NELL1: variants seen among roughly 807,000 people sequenced by gnomAD.
The protein encoded by NELL1 is neural EGFL like 1, also known as protein kinase C-binding protein NELL1.
In NELL1, 76 loss-of-function variants were observed where a neutral mutation model predicts 107.4. The ratio of observed to expected loss-of-function variants is 0.71; its 90% CI spans 0.59 to 0.86. NELL1 has a LOEUF of 0.86. Among genes scored for constraint, NELL1 ranks in the 40% least tolerant of loss-of-function variants. NELL1 has a pLI of 0.00. For missense variants in NELL1, 1,024 were observed against 1,005.5 expected, an observed-to-expected ratio of 1.02 and a Z score of -0.25; for synonymous variants, 353 against 341.2, an observed-to-expected ratio of 1.03 and a Z score of -0.38.
chr11:21,003,060 A>G (rs1225973508), intron 12 of NELL1, among the ~76,000 whole-genome samples: 2 of 152,176 alleles, frequency 1.3e-5, no homozygotes, highest in African/African-American at 4.8e-5. Context: ...ATCTCTTCTC[A>G]TCTAATTGAT....
At chr11:21,541,405 G>A (rs934751090) in intron 16 of NELL1, among the ~76,000 whole-genome samples, 4 of 152,068 alleles carry the variant, frequency 2.6e-5, no homozygotes, top group African/African-American at 7.2e-5. Context: ...AAAATGTTCC[G>A]CTGAAATCCC....
At chr11:21,516,463 C>G (rs1855564523) in intron 15 of NELL1, among the ~76,000 whole-genome samples, 1 of 151,956 alleles carries the variant, frequency 6.6e-6, no homozygotes, top group South Asian at 2.1e-4. Context: ...CATCATTAGG[C>G]CATTTCGTCC....
chr11:20,927,042 G>A, intron 7 of NELL1: 2 of 363,044 alleles, frequency 5.5e-6, no homozygotes, highest in Non-Finnish European at 9.9e-6. Flanking sequence ...ACACATTTAT[G>A]AACACCCATG....
intron 12 of NELL1, among the ~76,000 whole-genome samples, chr11:20,986,448 C>G (rs1162663575): frequency 6.6e-6 from 1 of 152,198 alleles, no homozygotes; most frequent in Non-Finnish European, 1.5e-5. Flanking sequence ...TTTCCTTGTG[C>G]ACCCTTGGCA....
chr11:21,103,003 G>A (rs565662976), intron 12 of NELL1, among the ~76,000 whole-genome samples: 10 of 152,246 alleles, frequency 6.6e-5, no homozygotes, highest in Non-Finnish European at 1.0e-4. Flanking sequence ...TTCATCTAAG[G>A]ACTCTCTACA....
At chr11:21,391,211 A>C (rs1303760904) in intron 15 of NELL1, among the ~76,000 whole-genome samples, 1 of 151,672 alleles carries the variant, frequency 6.6e-6, no homozygotes, top group Non-Finnish European at 1.5e-5. Flanking sequence ...TTTTAGTACA[A>C]CTTTTGAGAA....
chr11:20,869,861 TTTTGTGTTAG>T (rs1304967313), intron 4 of NELL1, among the ~76,000 whole-genome samples: 7 of 152,200 alleles, frequency 4.6e-5, no homozygotes, highest in Non-Finnish European at 1.0e-4. Context: ...TCCTGCATAC[TTTTGTGTTAG>T]TTAGGATGCT....
chr11:20,902,565 A>G (rs889062713), intron 5 of NELL1, among the ~76,000 whole-genome samples: 134 of 152,228 alleles, frequency 8.8e-4, no homozygotes, highest in African/African-American at 3.1e-3. Context: ...AAATTTGGGG[A>G]TCCTTGTAAT....
chr11:21,322,738 C>A (rs2133669326), intron 14 of NELL1, among the ~76,000 whole-genome samples: 2 of 152,122 alleles, frequency 1.3e-5, no homozygotes, highest in South Asian at 4.2e-4. Flanking sequence ...AAGAGTTTCT[C>A]AAGGTCAAGC....
intron 3 of NELL1, among the ~76,000 whole-genome samples, chr11:20,843,030 C>G (rs1188313443): frequency 6.6e-6 from 1 of 152,100 alleles, no homozygotes. Context: ...ATTGTAGGCA[C>G]TATGCTGGGA....
At chr11:20,900,091 G>C (rs962691711) in intron 5 of NELL1, among the ~76,000 whole-genome samples, 1 of 152,070 alleles carries the variant, frequency 6.6e-6, no homozygotes, top group African/African-American at 2.4e-5. Flanking sequence ...ATTCTCCATG[G>C]GTTCATTTGT....
chr11:21,354,032 A>G (rs1054539497), intron 14 of NELL1, among the ~76,000 whole-genome samples: 1 of 152,326 alleles, frequency 6.6e-6, no homozygotes, highest in Non-Finnish European at 1.5e-5. Context: ...CTGTGGTTAC[A>G]TTATTCCTCA....
chr11:21,169,162 A>G (rs1187864477), intron 13 of NELL1, among the ~76,000 whole-genome samples: 4 of 151,904 alleles, frequency 2.6e-5, no homozygotes, highest in Non-Finnish European at 1.5e-5. Context: ...TATAGGGATC[A>G]TGGTGACCAA....
intron 15 of NELL1, among the ~76,000 whole-genome samples, chr11:21,520,151 G>T (rs370309798): frequency 1.3e-5 from 2 of 152,108 alleles, no homozygotes; most frequent in Admixed American, 1.3e-4. Context: ...ACAATATGCC[G>T]TAGGACTGAC....
intron 11 of NELL1, among the ~76,000 whole-genome samples, chr11:20,959,654 T>C (rs997238907): frequency 3.3e-5 from 5 of 152,150 alleles, no homozygotes; most frequent in African/African-American, 9.7e-5. Context: ...TCATAGACTT[T>C]AGGAATTTAG....
At position 21,315,072 on chromosome 11, in the gene NELL1, G is replaced by A. The variant is rs149799640; in HGVS notation, c.1550-55781G>A. On this transcript the variant is annotated intron_variant, in intron 14 of 19. Coordinates refer to ENST00000357134, the MANE Select transcript of NELL1 (RefSeq NM_006157.5). ...GCGTGTCTCCATGTTGGCCAGGCAG[G>A]TCTTGAACTCCTGACCTCAGGTGAT... is the stretch of plus-strand genomic sequence containing the variant. Among the ~76,000 whole-genome samples, 785 of 152,204 alleles carry A rather than the reference G, an allele frequency of 5.2e-3. 8 individuals are homozygous for A. Among genetic ancestry groups the A allele is most frequent in the African/African-American group, 0.018 (749 of 41,544 alleles).
intron 15 of NELL1, among the ~76,000 whole-genome samples, chr11:21,465,393 C>A (rs1016266518): frequency 1.3e-5 from 2 of 152,062 alleles, no homozygotes; most frequent in African/African-American, 4.8e-5. Context: ...GCTCTGGGCT[C>A]TTTTTACTAT....
At chr11:20,876,855 T>A (rs1473311683) in intron 4 of NELL1, among the ~76,000 whole-genome samples, 1 of 152,186 alleles carries the variant, frequency 6.6e-6, no homozygotes, top group African/African-American at 2.4e-5. Context: ...GTCAGTAAAC[T>A]TTGAGGACCT....
chr11:20,979,325 C>G, intron 12 of NELL1, among the ~76,000 whole-genome samples: 1 of 152,232 alleles, frequency 6.6e-6, no homozygotes, highest in East Asian at 1.9e-4. Flanking sequence ...CCTTAAAAAA[C>G]TATAAATTAA....
Sources: gnomAD v4.1 joint callset for allele counts (sites outside exome capture counted in the v4.1 genomes callset) on GRCh38, gnomAD v4.1.1 for gene constraint, MANE v1.5 for transcripts, NCBI Gene and HGNC (gene_info 2026-07-23, HGNC 2026-07-21) for gene names.